The following SNX29 variants were observed in gnomAD, a reference collection of about 807,000 sequenced individuals.
The protein encoded by SNX29 is sorting nexin-29.
SNX29 carries 78 observed loss-of-function variants against 102.1 expected under a neutral mutation model. The observed-to-expected ratio is 0.76, with a 90% CI of 0.64 to 0.92. The LOEUF (loss-of-function observed/expected upper bound fraction) is 0.92. SNX29 is among the 40% of genes least tolerant of loss of function. The pLI is 0.00. For missense variants in SNX29, 1,280 were observed against 1,061.7 expected, an observed-to-expected ratio of 1.21 and a Z score of -2.86; for synonymous variants, 580 against 414.5, an observed-to-expected ratio of 1.40 and a Z score of -4.85.
intron 14 of SNX29, among the ~76,000 whole-genome samples, chr16:12,267,798 G>A (rs962809941): frequency 1.3e-5 from 2 of 152,174 alleles, no homozygotes; most frequent in Non-Finnish European, 2.9e-5. Flanking sequence ...CATATACCCT[G>A]TGGAGTGATC....
intron 5 of SNX29, among the ~76,000 whole-genome samples, chr16:12,045,107 A>G (rs879563841): frequency 6.6e-6 from 1 of 152,154 alleles, no homozygotes; most frequent in Non-Finnish European, 1.5e-5. Context: ...CAGATTTTTA[A>G]AGGATTATGA....
chr16:12,155,104 C>A (rs1434162869), intron 13 of SNX29, among the ~76,000 whole-genome samples: 1 of 152,148 alleles, frequency 6.6e-6, no homozygotes, highest in East Asian at 1.9e-4. Context: ...ATGCCTTGTT[C>A]TGGACTTCTT....
intron 14 of SNX29, among the ~76,000 whole-genome samples, chr16:12,228,079 C>T (rs765822954): frequency 6.6e-5 from 10 of 152,086 alleles, no homozygotes; most frequent in Non-Finnish European, 8.8e-5. Flanking sequence ...AGTTCAAGAC[C>T]AGACTGGGCA....
chr16:12,441,486 C>T (rs1185980332), intron 18 of SNX29, among the ~76,000 whole-genome samples: 1 of 152,176 alleles, frequency 6.6e-6, no homozygotes, highest in Non-Finnish European at 1.5e-5. Context: ...GGTTGTTCCC[C>T]ATTTATGGCT....
chr16:12,157,815 A>G (rs2055616332), intron 13 of SNX29, among the ~76,000 whole-genome samples: 3 of 152,108 alleles, frequency 2.0e-5, no homozygotes, highest in Admixed American at 1.3e-4. Context: ...CCATTCTCTG[A>G]AAGCCCTTTG....
intron 1 of SNX29, among the ~76,000 whole-genome samples, chr16:11,994,935 C>T (rs2056001038): frequency 6.6e-6 from 1 of 152,176 alleles, no homozygotes; most frequent in African/African-American, 2.4e-5. Context: ...TGTCACATGG[C>T]TAGCAAGCAG....
At chr16:12,325,817 A>T (rs938171507) in intron 15 of SNX29, among the ~76,000 whole-genome samples, 1 of 152,092 alleles carries the variant, frequency 6.6e-6, no homozygotes, top group Non-Finnish European at 1.5e-5. Context: ...GCTTAAGGCC[A>T]GGAGTTCAAG....
chr16:12,549,170 T>G (rs536738424), intron 20 of SNX29, among the ~76,000 whole-genome samples: 1 of 152,204 alleles, frequency 6.6e-6, no homozygotes, highest in Non-Finnish European at 1.5e-5. Context: ...TTGCTGTTCA[T>G]GGAGTGTCTG....
At chr16:12,558,251 C>G (rs1038559848) in intron 20 of SNX29, among the ~76,000 whole-genome samples, 6 of 151,936 alleles carry the variant, frequency 3.9e-5, no homozygotes, top group Non-Finnish European at 8.8e-5. Flanking sequence ...TAGATGGTAT[C>G]TGAGGTCTTC....
chr16:12,061,496 G>T, intron 8 of SNX29, 32 bp from the exon 9 acceptor site: 1 of 1,546,262 alleles, frequency 6.5e-7, no homozygotes, highest in Non-Finnish European at 8.7e-7. Flanking sequence ...GGGCTCTTTG[G>T]CCTGTCCTGC....
At chr16:12,339,417 G>A (rs1042762604) in intron 15 of SNX29, among the ~76,000 whole-genome samples, 6 of 145,686 alleles carry the variant, frequency 4.1e-5, no homozygotes, top group Non-Finnish European at 6.0e-5. Context: ...TGAGTTTCTT[G>A]TGAGTGGAGG....
intron 15 of SNX29, among the ~76,000 whole-genome samples, chr16:12,355,262 C>T (rs1244841891): frequency 1.3e-5 from 2 of 152,320 alleles, no homozygotes; most frequent in East Asian, 3.9e-4. Flanking sequence ...TTTATTCCTC[C>T]TCAGATACGA....
intron 13 of SNX29, among the ~76,000 whole-genome samples, chr16:12,145,953 A>G (rs1000966675): frequency 6.6e-6 from 1 of 152,238 alleles, no homozygotes; most frequent in African/African-American, 2.4e-5. Context: ...TGAAATTCCC[A>G]TGTTAGAAGG....
intron 3 of SNX29, among the ~76,000 whole-genome samples, chr16:12,023,452 C>T (rs1432116181): frequency 6.7e-6 from 1 of 149,312 alleles, no homozygotes; most frequent in Admixed American, 6.7e-5. Context: ...GTAGTGCATG[C>T]CTGTAGTCTC....
chr16:12,549,180 G>A (rs117690001), intron 20 of SNX29, among the ~76,000 whole-genome samples: 3,081 of 152,268 alleles, frequency 0.02, 48 homozygotes, highest in Non-Finnish European at 0.031. Context: ...TGGAGTGTCT[G>A]CAGGGGCTAG....
At chr16:12,415,974 G>T (rs1239643029) in intron 18 of SNX29, among the ~76,000 whole-genome samples, 1 of 152,202 alleles carries the variant, frequency 6.6e-6, no homozygotes, top group Non-Finnish European at 1.5e-5. Context: ...CATTGTTGGA[G>T]TGGGGGCCGT....
intron 14 of SNX29, among the ~76,000 whole-genome samples, chr16:12,254,003 G>T (rs1029226495): frequency 6.6e-6 from 1 of 152,138 alleles, no homozygotes; most frequent in African/African-American, 2.4e-5. Flanking sequence ...GGGCTGTGAG[G>T]TGTGAGTGAG....
At chr16:12,478,296 A>G (rs966880152) in intron 19 of SNX29, among the ~76,000 whole-genome samples, 1 of 152,008 alleles carries the variant, frequency 6.6e-6, no homozygotes, top group Non-Finnish European at 1.5e-5. Context: ...TAGTTTGCCA[A>G]CCCCTGTTCT....
chr16:12,155,852 G>C (rs565461127), intron 13 of SNX29, among the ~76,000 whole-genome samples: 2 of 152,302 alleles, frequency 1.3e-5, no homozygotes, highest in African/African-American at 4.8e-5. Flanking sequence ...TCCCATGCTA[G>C]AGATGGCTGG....
Sources: allele counts gnomAD v4.1 joint callset (sites outside exome capture counted in the v4.1 genomes callset), GRCh38; gene constraint gnomAD v4.1.1; transcripts MANE v1.5; gene names NCBI Gene and HGNC (gene_info 2026-07-23, HGNC 2026-07-21).